The following PPFIA2 variants were observed in gnomAD, a reference collection of about 807,000 sequenced individuals.
PPFIA2 encodes PPFI scaffold protein A2, also known as liprin-alpha-2.
Under a neutral mutation model 175.5 loss-of-function variants are expected in PPFIA2, and 46 were observed. The ratio of observed to expected loss-of-function variants is 0.26; its 90% confidence interval spans 0.21 to 0.34. The LOEUF (loss-of-function observed/expected upper bound fraction) is 0.34. PPFIA2 is among the 10% of genes least tolerant of loss of function. PPFIA2 has a pLI of 1.00. For synonymous variants in PPFIA2, 568 were observed against 511.4 expected, an observed-to-expected ratio of 1.11 and a Z score of -1.49; for missense variants, 1,179 against 1,506.1, an observed-to-expected ratio of 0.78 and a Z score of 3.60.
chr12:81,344,207 C>A (rs565915174), intron 19 of PPFIA2, among the ~76,000 whole-genome samples: 1 of 152,106 alleles, frequency 6.6e-6, no homozygotes, highest in Non-Finnish European at 1.5e-5. Flanking sequence ...GCACAGAGTA[C>A]TCTCTCCTCT....
chr12:81,386,137 G>T (rs1464282746), intron 8 of PPFIA2, among the ~76,000 whole-genome samples: 1 of 151,390 alleles, frequency 6.6e-6, no homozygotes, highest in African/African-American at 2.4e-5. Context: ...AAAAAATAGG[G>T]TGTGGTGGCA....
At chr12:81,445,431 T>A in intron 6 of PPFIA2, 125 bp downstream of exon 6, 1 of 825,148 alleles carries the variant, frequency 1.2e-6, no homozygotes, top group Non-Finnish European at 1.9e-6. Context: ...TGATTTTTCA[T>A]ATAACTCAAA....
chr12:81,529,516 G>GAC (rs1182313695), intron 4 of PPFIA2, among the ~76,000 whole-genome samples: 5 of 150,966 alleles, frequency 3.3e-5, no homozygotes, highest in African/African-American at 1.2e-4. Context: ...TAGAGAGAGA[G>GAC]AGACACACAC....
At chr12:81,496,702 T>C (rs1441906404) in intron 4 of PPFIA2, among the ~76,000 whole-genome samples, 1 of 152,182 alleles carries the variant, frequency 6.6e-6, no homozygotes, top group East Asian at 1.9e-4. Context: ...GCTCTAACCC[T>C]CTGGGATAGA....
intron 28 of PPFIA2, among the ~76,000 whole-genome samples, chr12:81,271,976 C>G (rs1339097701): frequency 6.6e-6 from 1 of 151,838 alleles, no homozygotes; most frequent in East Asian, 1.9e-4. Flanking sequence ...TTTATTAATT[C>G]TCTCTTTACT....
intron 4 of PPFIA2, among the ~76,000 whole-genome samples, chr12:81,675,160 T>A (rs2072238819): frequency 7.1e-6 from 1 of 141,546 alleles, no homozygotes; most frequent in South Asian, 2.2e-4. Flanking sequence ...AATCTATCTA[T>A]CTAAGTATAC....
intron 3 of PPFIA2, among the ~76,000 whole-genome samples, chr12:81,700,043 T>C (rs1437816372): frequency 6.6e-6 from 1 of 152,012 alleles, no homozygotes; most frequent in Non-Finnish European, 1.5e-5. Context: ...ATATTGGACT[T>C]TCCCATATCC....
At chr12:81,633,762 G>C (rs1225820323) in intron 4 of PPFIA2, among the ~76,000 whole-genome samples, 1 of 152,070 alleles carries the variant, frequency 6.6e-6, no homozygotes, top group Non-Finnish European at 1.5e-5. Flanking sequence ...GACAAGATAG[G>C]AGAGTATAAA....
rs566885546 is a variant in PPFIA2, at chr12:81,450,852, A to G, written c.406-5132T>C. On this transcript the variant is annotated intron_variant, in intron 5 of 32. Coordinates refer to ENST00000549396, the MANE Select transcript of PPFIA2 (RefSeq NM_003625.5). Reference sequence around the variant, plus strand: ...AAGGGATCCAGTTTCAGCTTTCTACATGTGGCTAGCCAGTTGACCCAGCAC... The same window carrying G: ...AAGGGATCCAGTTTCAGCTTTCTACGTGTGGCTAGCCAGTTGACCCAGCAC... Among the ~76,000 whole-genome samples the G allele has an allele frequency of 2.6e-4, 40 of 152,318 alleles. 1 individual carries two copies. The South Asian group carries it at 3.5e-3, about 13-fold the overall frequency.
At chr12:81,338,356 C>A (rs1382035155) in intron 21 of PPFIA2, among the ~76,000 whole-genome samples, 5 of 151,960 alleles carry the variant, frequency 3.3e-5, no homozygotes, top group African/African-American at 4.8e-5. Flanking sequence ...TATATATAAT[C>A]ATTTCAGAAA....
At chr12:81,432,513 T>G (rs1348217163) in intron 7 of PPFIA2, among the ~76,000 whole-genome samples, 2 of 151,096 alleles carry the variant, frequency 1.3e-5, no homozygotes, top group Non-Finnish European at 2.9e-5. Flanking sequence ...TCACCCAGGT[T>G]GGAGTGCAGT....
intron 4 of PPFIA2, among the ~76,000 whole-genome samples, chr12:81,620,455 T>C (rs1353050146): frequency 1.3e-5 from 2 of 152,056 alleles, no homozygotes; most frequent in Admixed American, 6.6e-5. Context: ...TTTTGGTAAT[T>C]AAACTATAAC....
At chr12:81,507,873 G>A (rs1594193467) in intron 4 of PPFIA2, among the ~76,000 whole-genome samples, 1 of 152,288 alleles carries the variant, frequency 6.6e-6, no homozygotes, top group Non-Finnish European at 1.5e-5. Context: ...TAGACTGGTA[G>A]GTCTGGGCAC....
At chr12:81,467,933 C>G (rs2056001865) in intron 4 of PPFIA2, among the ~76,000 whole-genome samples, 2 of 152,088 alleles carry the variant, frequency 1.3e-5, no homozygotes, top group East Asian at 3.9e-4. Context: ...GGCTCCTGCT[C>G]TAAGTTTGAG....
intron 4 of PPFIA2, among the ~76,000 whole-genome samples, chr12:81,569,589 T>C (rs922471066): frequency 6.6e-6 from 1 of 152,164 alleles, no homozygotes; most frequent in Non-Finnish European, 1.5e-5. Context: ...ACAATAATAT[T>C]ACACTGTAGA....
intron 4 of PPFIA2, among the ~76,000 whole-genome samples, chr12:81,531,178 G>A (rs1427693540): frequency 6.6e-6 from 1 of 151,866 alleles, no homozygotes; most frequent in Admixed American, 6.6e-5. Context: ...TAGAAGCCAT[G>A]CCAGTAAATC....
At chr12:81,278,785 T>C (rs2041286963) in intron 27 of PPFIA2, among the ~76,000 whole-genome samples, 1 of 152,158 alleles carries the variant, frequency 6.6e-6, no homozygotes, top group African/African-American at 2.4e-5. Flanking sequence ...AAATAATCTG[T>C]AGACTTCAAG....
chr12:81,333,667 A>G (rs752993807), intron 21 of PPFIA2, among the ~76,000 whole-genome samples: 14 of 152,110 alleles, frequency 9.2e-5, no homozygotes, highest in Non-Finnish European at 1.8e-4. Flanking sequence ...CTATACTTTT[A>G]GAGTAGGAGA....
intron 4 of PPFIA2, among the ~76,000 whole-genome samples, chr12:81,476,292 G>A (rs2057469162): frequency 6.6e-6 from 1 of 152,272 alleles, no homozygotes; most frequent in Middle Eastern, 3.4e-3. Context: ...CTAGGTTTTT[G>A]TAGTGAGAAG....
Sources: allele counts gnomAD v4.1 joint callset (sites outside exome capture counted in the v4.1 genomes callset), GRCh38; gene constraint gnomAD v4.1.1; transcripts MANE v1.5; gene names NCBI Gene and HGNC (gene_info 2026-07-23, HGNC 2026-07-21).